COL5A3: variants seen among roughly 807,000 people sequenced by gnomAD.
COL5A3 encodes collagen alpha-3(V) chain.
COL5A3 carries 172 observed loss-of-function variants against 250.0 expected under a neutral mutation model. That is an observed-to-expected ratio of 0.69 (90% CI 0.61 to 0.78). The LOEUF is 0.78. Among genes scored for constraint, COL5A3 ranks in the 30% least tolerant of loss-of-function variants. The probability of loss-of-function intolerance (pLI) is 0.00; values close to 1 mark genes in which losing one functional copy is unlikely to be tolerated. For synonymous variants in COL5A3, 937 were observed against 900.4 expected, an observed-to-expected ratio of 1.04 and a Z score of -0.73; for missense variants, 2,340 against 2,334.4, an observed-to-expected ratio of 1.00 and a Z score of -0.05.
chr19:9,973,299 C>T (rs917664998), intron 50 of COL5A3, among the ~76,000 whole-genome samples: 1 of 152,212 alleles, frequency 6.6e-6, no homozygotes, highest in Non-Finnish European at 1.5e-5. Flanking sequence ...ATCTGGGCAA[C>T]TCATCCTCAG....
chr19:9,982,353 G>A (rs985289150), intron 31 of COL5A3, among the ~76,000 whole-genome samples: 2 of 151,938 alleles, frequency 1.3e-5, no homozygotes, highest in Non-Finnish European at 1.5e-5. Context: ...TGAAATGCTT[G>A]TCTCCTAGGC....
At position 9,973,571 on chromosome 19, in the gene COL5A3, G is replaced by C. The variant is rs199593113; in HGVS notation, c.3665C>G (p.Pro1222Arg). The change falls in exon 50 of 67, where the codon CCG becomes CGG. Residue 1222 changes from proline (P) to arginine (R), a missense_variant and splice_region_variant. Coordinates refer to ENST00000264828, the MANE Select transcript of COL5A3 (RefSeq NM_015719.4). Reference sequence around the variant, plus strand: ...GGACCACATCACACAGTCACTCACCGGGATGCCTGGGGCTCCTGGAGGCCC... The same window carrying C: ...GGACCACATCACACAGTCACTCACCCGGATGCCTGGGGCTCCTGGAGGCCC... The part of the protein sequence containing the change: ...DPGPPGAPGI[P>R]GPKGDIGEKG... 1 of 1,611,614 alleles carries C rather than the reference G, an allele frequency of 6.2e-7. No individual in the cohort carries two copies. Among genetic ancestry groups the C allele is most frequent in the Admixed American group, 1.7e-5 (1 of 59,814 alleles).
In COL5A3 at chr19:9,966,570, G is replaced by T; in HGVS notation, c.4635C>A (p.His1545Gln). ...GTAERPGLVCHELHRNHPHLP... is the reference protein window; with the variant it reads ...GTAERPGLVCQELHRNHPHLP... ...GGTGCGGGTGGTTGCGGTGCAGCTC[G>T]TGGCACACGAGGCCCGGGCGCTCCG... Residue 1545 changes from histidine (H) to glutamine (Q), a missense_variant, in exon 63 of 67, where the codon CAC becomes CAA. His to Gln is a conservative substitution (Grantham distance 24). Around this residue, in one of 3 missense-constraint regions of COL5A3, gnomAD observed 1,179 missense variants for 1,162.6 expected, o/e 1.01. Transcript: ENST00000264828. 6.5e-7 allele frequency: 1 copy of T among 1,543,300 alleles called. No individual in the cohort carries two copies. The highest frequency in any genetic ancestry group is 8.7e-7 in the Non-Finnish European group (1 of 1,147,646).
At position 9,998,150 on chromosome 19, in the gene COL5A3, C is replaced by T; in HGVS notation, c.1111-1G>A. The T allele has an allele frequency of 6.2e-7, 1 of 1,613,170 alleles. No homozygotes were observed. The highest frequency in any genetic ancestry group is 8.5e-7 in the Non-Finnish European group (1 of 1,179,592). On this transcript the variant is annotated splice_acceptor_variant, in intron 8 of 66. Coordinates refer to ENST00000264828, the MANE Select transcript of COL5A3 (RefSeq NM_015719.4). LOFTEE classifies it high-confidence loss of function. ...CTTTTGCTCCTTTCTCTCCAGCACCCTGGGGTGGGGTCAGGGGAGATGGAG... is the reference window on the plus strand; with the variant it reads ...CTTTTGCTCCTTTCTCTCCAGCACCTTGGGGTGGGGTCAGGGGAGATGGAG...
In COL5A3 at chr19:10,005,830, G is replaced by A. The variant is rs372965257; in HGVS notation, c.403C>T (p.Pro135Ser). The change falls in exon 3 of 67, where the codon CCC (proline) becomes TCC (serine). Residue 135 changes from proline to serine, a missense_variant. Coordinates refer to ENST00000264828, the MANE Select transcript of COL5A3 (RefSeq NM_015719.4). ...GTGAGGTTGACCTGCTGGGGGAGGG[G>A]GCGGAAGGGGTCACCTAGGAGACCC... ...ALGLLGDPFR[P>S]LPQQVNLTDG... The A allele has an allele frequency of 8.1e-6, 13 of 1,613,058 alleles. No individual in the cohort carries two copies. In the South Asian group the frequency reaches 1.3e-4, roughly 16 times the overall value.
chr19:9,986,398 G>A lies in COL5A3; in HGVS notation c.2269C>T (p.Arg757Trp), dbSNP rs766518113. ...GGCCCCTCAGGACCATCCTCTCCCCGGGGACCTGGAGCTCCGGGTTTCCCC... is the reference window on the plus strand; with the variant it reads ...GGCCCCTCAGGACCATCCTCTCCCCAGGGACCTGGAGCTCCGGGTTTCCCC... Reference protein sequence around the residue: ...DQGKPGAPGPRGEDGPEGPKG... With the variant: ...DQGKPGAPGPWGEDGPEGPKG... The change falls in exon 30 of 67, where the codon CGG becomes TGG. Residue 757 changes from arginine (R) to tryptophan (W), a missense_variant. Arg to Trp is a moderately radical substitution (Grantham distance 101). Around this residue, in one of 3 missense-constraint regions of COL5A3, gnomAD observed 1,152 missense variants for 1,146.3 expected, o/e 1.00. Transcript: ENST00000264828. The A allele has an allele frequency of 1.2e-5, 20 of 1,611,778 alleles. No homozygotes were observed. Among genetic ancestry groups the A allele is most frequent in the South Asian group, 7.7e-5 (7 of 91,028 alleles).
Position 9,978,891 on chromosome 19 carries a change from CG to C in COL5A3, c.2963del (p.Pro988ArgfsTer6). On this transcript the variant is annotated frameshift_variant and splice_region_variant, in exon 40 of 67. Transcript: ENST00000264828. LOFTEE classifies it high-confidence loss of function. ...FPGPKGGPGDPGPTGLKGDKG... is the reference protein window; with the variant it reads ...FPGPKGGPGDXGPTGLKGDKG... ...CAGGAGGGTCTCCAAAGATACTCAC[CG>C]GGTCCCCAGGGCCCCCTTTGGGGCC... 1 of 1,465,908 alleles carries C rather than the reference CG, an allele frequency of 6.8e-7. No individual in the cohort carries two copies. Among genetic ancestry groups the C allele is most frequent in the Non-Finnish European group, 9.0e-7 (1 of 1,108,756 alleles). 90.8% of individuals were successfully genotyped at this position (1,465,908 alleles called of 1,614,324 possible). A position where few individuals can be genotyped will look rare whatever the true frequency, so the allele number is the denominator to read the frequency against.
At chr19:9,988,022 G>T (rs1177914736) in intron 27 of COL5A3, among the ~76,000 whole-genome samples, 1 of 151,998 alleles carries the variant, frequency 6.6e-6, no homozygotes, top group African/African-American at 2.4e-5. Context: ...ATCACCTGAG[G>T]TCAGGCGTTC....
chr19:9,962,736 C>T, intron 65 of COL5A3, 83 bp downstream of exon 65: 1 of 1,084,144 alleles, frequency 9.2e-7, no homozygotes, highest in Non-Finnish European at 1.4e-6. Flanking sequence ...CTTCATCTCA[C>T]CTCTCAGAAC....
chr19:9,980,096 C>T, intron 35 of COL5A3, 49 bp from the exon 36 acceptor site: 1 of 1,527,288 alleles, frequency 6.5e-7, no homozygotes, highest in Non-Finnish European at 8.8e-7. Flanking sequence ...CCTCCCTGCC[C>T]ACTCCCTGAG....
intron 24 of COL5A3, 121 bp from the exon 25 acceptor site, chr19:9,989,643 G>A: frequency 3.4e-6 from 3 of 886,720 alleles, no homozygotes; most frequent in Non-Finnish European, 5.0e-6. Context: ...CACTGGCCAG[G>A]AAATCTATCC....
intron 24 of COL5A3, among the ~76,000 whole-genome samples, chr19:9,990,724 G>A (rs7247115): frequency 0.18 from 26,912 of 151,554 alleles, 2,550 homozygotes; most frequent in South Asian, 0.27. Context: ...CACCACGCCC[G>A]GCTAATTTTT....
chr19:9,969,284 G>C, intron 57 of COL5A3, 65 bp downstream of exon 57: 1 of 1,381,976 alleles, frequency 7.2e-7, no homozygotes. Context: ...ATGCTCACTA[G>C]GTGGTCACTA....
At chr19:9,984,944 T>A (rs1023156247) in intron 31 of COL5A3, among the ~76,000 whole-genome samples, 1 of 1,646 alleles carries the variant, frequency 6.1e-4, no homozygotes, top group Admixed American at 0.01. Flanking sequence ...TCTGGCTAAT[T>A]TTTTTTTTTT....
rs755281472 is a variant in COL5A3 at position 9,996,662 on chromosome 19, C to T, written c.1291G>A (p.Gly431Ser). Residue 431 changes from glycine (G) to serine (S), a missense_variant, in exon 12 of 67, where the codon GGC becomes AGC. By Grantham distance (56) the Gly-to-Ser change is moderately conservative. This residue lies in a region of COL5A3 where 1,152 missense variants were observed against 1,146.3 expected (regional missense o/e 1.00). Transcript: ENST00000264828. ...PGPAGLPGIP[G>S]IDGIRGPPGT... ...GGTGGGCCTCGGATCCCATCAATGC[C>T]GGGGATTCCTGGGAGGCCAGCAGGG... The T allele has an allele frequency of 9.9e-6, 16 of 1,608,078 alleles. No homozygotes were observed. The highest frequency in any genetic ancestry group is 2.2e-5 in the South Asian group (2 of 90,090).
rs142631541 is a variant in COL5A3 at position 9,960,872 on chromosome 19, C to T, written c.4870G>A (p.Asp1624Asn). The change falls in exon 66 of 67, where the codon GAC becomes AAC. Residue 1624 changes from aspartate (D) to asparagine (N), a missense_variant. This residue lies in a region of COL5A3 where 1,179 missense variants were observed against 1,162.6 expected (regional missense o/e 1.01). Transcript: ENST00000264828. ...TGCACGACATTCACTGGGGACCCGT[C>T]GGCGTCCACGTAGGAGAACTGGTGA... ...RGKKFSYVDA[D>N]GSPVNVVQLN... is the part of the protein sequence containing the mutation. 5.5e-5 allele frequency: 88 copies of T among 1,606,690 alleles called. No homozygotes were observed. The African/African-American group carries it at 6.1e-4, about 11-fold the overall frequency.
rs1392596456 is a variant in COL5A3, at chr19:9,979,120, A to C, written c.2874+12T>G. ...GATGTTCAACCAAGATCTCCAGTGGACAGTGTCTCACCTTGGCCCCCTCTC... is the reference window on the plus strand; with the variant it reads ...GATGTTCAACCAAGATCTCCAGTGGCCAGTGTCTCACCTTGGCCCCCTCTC... On this transcript the variant is annotated intron_variant, in intron 39 of 66. Coordinates refer to ENST00000264828, the MANE Select transcript of COL5A3 (RefSeq NM_015719.4). The C allele has an allele frequency of 6.5e-7, 1 of 1,528,934 alleles. No individual in the cohort carries two copies. The highest frequency in any genetic ancestry group is 8.8e-7 in the Non-Finnish European group (1 of 1,130,506). The allele number at this position is 1,528,934 out of a possible 1,614,324, so 94.7% of individuals were successfully genotyped here. A position where few individuals can be genotyped will look rare whatever the true frequency, so the allele number is the denominator to read the frequency against.
intron 16 of COL5A3, 102 bp downstream of exon 16, chr19:9,995,462 C>G: frequency 2.0e-6 from 2 of 1,015,982 alleles, no homozygotes; most frequent in Non-Finnish European, 2.9e-6. Context: ...GCACTCTTTT[C>G]CCACTAACGA....
In COL5A3 at chr19:9,997,389, A is replaced by T; in HGVS notation, c.1245T>A (p.Pro415=). The change falls in exon 11 of 67, where the codon CCT becomes CCA. Residue 415 remains proline, a synonymous_variant. Transcript: ENST00000264828. ...CTCTTACCGGTGGACCAGGGTCGCC[A>T]GGGAATCCTGGGGGGCCGGGAGGGC... ...PSGPPGPPGF[P]GDPGPPGPAG... 1.2e-6 allele frequency: 2 copies of T among 1,610,284 alleles called. No homozygotes were observed. Among genetic ancestry groups the T allele is most frequent in the Non-Finnish European group, 1.7e-6 (2 of 1,178,616 alleles).
Sources: gnomAD v4.1 joint callset for allele counts (sites outside exome capture counted in the v4.1 genomes callset) on GRCh38, gnomAD v4.1.1 for gene constraint, gnomAD v4.1.1 regional missense constraint, MANE v1.5 for transcripts, NCBI Gene and HGNC (gene_info 2026-07-23, HGNC 2026-07-21) for gene names.